NALF1: variants seen among roughly 807,000 people sequenced by gnomAD.
NALF1 encodes the protein NALCN channel auxiliary factor 1.
Under a neutral mutation model 48.4 loss-of-function variants are expected in NALF1, and 3 were observed. That is an observed-to-expected ratio of 0.06 (90% CI 0.03 to 0.16). The LOEUF (loss-of-function observed/expected upper bound fraction) is 0.16, where lower values mean the gene tolerates loss of function less well. Ranked by LOEUF, NALF1 falls within the 10% of genes least tolerant of loss-of-function variation. The pLI is 1.00. For synonymous variants in NALF1, 262 were observed against 245.7 expected (o/e 1.07, Z -0.62); for missense variants, 526 against 571.5 (o/e 0.92, Z 0.81).
At chr13:107,504,160 G>C (rs975293544) in intron 1 of NALF1, among the ~76,000 whole-genome samples, 4 of 151,310 alleles carry the variant, frequency 2.6e-5, no homozygotes, top group Non-Finnish European at 4.4e-5. Context: ...GCTAAGGCTG[G>C]AGGATCCTTA....
intron 1 of NALF1, among the ~76,000 whole-genome samples, chr13:107,251,904 GT>G (rs1880707761): frequency 6.6e-6 from 1 of 152,184 alleles, no homozygotes; most frequent in African/African-American, 2.4e-5. Flanking sequence ...AGTATTTAAA[GT>G]GGTAATGTCA....
chr13:107,313,388 T>C (rs1882083220), intron 1 of NALF1, among the ~76,000 whole-genome samples: 1 of 152,050 alleles, frequency 6.6e-6, no homozygotes, highest in Non-Finnish European at 1.5e-5. Context: ...CAGGCAAACC[T>C]GCCTCCAAAT....
At chr13:107,393,590 T>C (rs563199173) in intron 1 of NALF1, among the ~76,000 whole-genome samples, 71 of 152,274 alleles carry the variant, frequency 4.7e-4, no homozygotes, top group Non-Finnish European at 7.9e-4. Flanking sequence ...GGCCCGCCCA[T>C]AGGTTTCTCC....
At chr13:107,517,605 A>G (rs1403714818) in intron 1 of NALF1, among the ~76,000 whole-genome samples, 1 of 151,954 alleles carries the variant, frequency 6.6e-6, no homozygotes, top group Non-Finnish European at 1.5e-5. Flanking sequence ...GCTGCACTCC[A>G]GCCTGGGTGA....
rs545708682 is a variant in NALF1 at position 107,850,938 on chromosome 13, T to C, written c.915+14744A>G. Reference sequence around the variant, plus strand: ...AGGAAAAGAAAAAGAAAAAGAAAATTGCTGTGAACAATTTGAATTTTTTGA... The same window carrying C: ...AGGAAAAGAAAAAGAAAAAGAAAATCGCTGTGAACAATTTGAATTTTTTGA... On this transcript the variant is annotated intron_variant, in intron 1 of 2. Transcript: ENST00000375915. Among the ~76,000 whole-genome samples, 3 of 152,020 alleles carry C rather than the reference T, an allele frequency of 2.0e-5. No homozygotes were observed. In the East Asian group the frequency reaches 5.8e-4, roughly 29 times the overall value.
chr13:107,478,914 C>T (rs1279172496), intron 1 of NALF1, among the ~76,000 whole-genome samples: 1 of 152,022 alleles, frequency 6.6e-6, no homozygotes, highest in African/African-American at 2.4e-5. Context: ...GTGCTTGTTC[C>T]AGATCCTAAA....
chr13:107,809,941 C>T (rs531112067), intron 1 of NALF1, among the ~76,000 whole-genome samples: 47 of 152,184 alleles, frequency 3.1e-4, no homozygotes, highest in African/African-American at 1.1e-3. Flanking sequence ...TTAATCTTAT[C>T]ATGTCTCTCA....
At chr13:107,377,727 T>C (rs1883362197) in intron 1 of NALF1, among the ~76,000 whole-genome samples, 4 of 152,220 alleles carry the variant, frequency 2.6e-5, no homozygotes, top group Non-Finnish European at 5.9e-5. Context: ...CTGATTCATG[T>C]CCCTGGGTCC....
chr13:107,852,599 T>C (rs1594314681), intron 1 of NALF1, among the ~76,000 whole-genome samples: 1 of 152,328 alleles, frequency 6.6e-6, no homozygotes, highest in East Asian at 1.9e-4. Flanking sequence ...AGGAAATGCA[T>C]GTGGTCTTTT....
intron 1 of NALF1, among the ~76,000 whole-genome samples, chr13:107,338,193 A>G (rs1882596117): frequency 6.6e-6 from 1 of 152,204 alleles, no homozygotes; most frequent in Non-Finnish European, 1.5e-5. Flanking sequence ...TTGAGCTCTT[A>G]CTATGTGCTA....
chr13:107,254,521 T>C (rs908381167), intron 1 of NALF1, among the ~76,000 whole-genome samples: 3 of 151,934 alleles, frequency 2.0e-5, no homozygotes, highest in African/African-American at 7.3e-5. Flanking sequence ...ACTCTTGGAG[T>C]GGGGAATGGT....
intron 1 of NALF1, among the ~76,000 whole-genome samples, chr13:107,534,432 A>G (rs1876741141): frequency 6.6e-6 from 1 of 152,170 alleles, no homozygotes; most frequent in Non-Finnish European, 1.5e-5. Context: ...AATAAGGACA[A>G]AAGTTAATAT....
At chr13:107,230,033 G>C (rs947751031) in intron 1 of NALF1, among the ~76,000 whole-genome samples, 1 of 152,134 alleles carries the variant, frequency 6.6e-6, no homozygotes, top group Non-Finnish European at 1.5e-5. Context: ...TTAGTATTTT[G>C]GTGAAATCAC....
chr13:107,513,426 C>A (rs1242912330), intron 1 of NALF1, among the ~76,000 whole-genome samples: 1 of 152,074 alleles, frequency 6.6e-6, no homozygotes, highest in Non-Finnish European at 1.5e-5. Flanking sequence ...GCAAGTCTTC[C>A]ATATTTCCTT....
chr13:107,388,153 C>T (rs1456998245), intron 1 of NALF1, among the ~76,000 whole-genome samples: 5 of 152,282 alleles, frequency 3.3e-5, no homozygotes, highest in African/African-American at 9.6e-5. Flanking sequence ...CAGAATGTTC[C>T]CAGAATTTCC....
chr13:107,487,914 T>C (rs1031968351), intron 1 of NALF1, among the ~76,000 whole-genome samples: 1 of 151,982 alleles, frequency 6.6e-6, no homozygotes, highest in Admixed American at 6.6e-5. Flanking sequence ...CCTGGGCTTT[T>C]CTTGGTGGTA....
At chr13:107,406,971 C>A (rs1028216263) in intron 1 of NALF1, among the ~76,000 whole-genome samples, 2 of 151,900 alleles carry the variant, frequency 1.3e-5, no homozygotes, top group African/African-American at 2.4e-5. Context: ...ACACACCTAA[C>A]AGTGAACTCA....
intron 1 of NALF1, among the ~76,000 whole-genome samples, chr13:107,221,820 T>C (rs1880000177): frequency 6.6e-6 from 1 of 152,312 alleles, no homozygotes; most frequent in South Asian, 2.1e-4. Flanking sequence ...CTGTGTTTTA[T>C]TCTATACCAG....
chr13:107,417,628 T>C (rs547932376), intron 1 of NALF1, among the ~76,000 whole-genome samples: 1 of 152,344 alleles, frequency 6.6e-6, no homozygotes, highest in South Asian at 2.1e-4. Context: ...GGGATCCATG[T>C]ACGGCAGTAA....
Sources: gnomAD v4.1 joint callset for allele counts (sites outside exome capture counted in the v4.1 genomes callset) on GRCh38, gnomAD v4.1.1 for gene constraint, MANE v1.5 for transcripts, NCBI Gene and HGNC (gene_info 2026-07-23, HGNC 2026-07-21) for gene names.